COL5A2: variants seen among roughly 807,000 people sequenced by gnomAD.
COL5A2 encodes collagen alpha-2(V) chain.
COL5A2 carries 23 observed loss-of-function variants against 208.2 expected under a neutral mutation model. The ratio of observed to expected loss-of-function variants is 0.11; its 90% CI spans 0.08 to 0.16. COL5A2 has a LOEUF of 0.16. Among genes scored for constraint, COL5A2 ranks in the 10% least tolerant of loss-of-function variants. The pLI is 1.00. For missense variants in COL5A2, 1,590 were observed against 1,956.4 expected (o/e 0.81, Z 3.53); for synonymous variants, 625 against 628.5 (o/e 0.99, Z 0.08).
At chr2:189,149,506 T>C (rs192016554) in intron 1 of COL5A2, among the ~76,000 whole-genome samples, 1 of 152,308 alleles carries the variant, frequency 6.6e-6, no homozygotes, top group Non-Finnish European at 1.5e-5. Flanking sequence ...AATAGTCACA[T>C]GGAATGCAAT....
At chr2:189,123,451 T>G (rs1048376552) in intron 1 of COL5A2, among the ~76,000 whole-genome samples, 1 of 152,146 alleles carries the variant, frequency 6.6e-6, no homozygotes, top group Non-Finnish European at 1.5e-5. Context: ...GATGAGGTCA[T>G]ACTGGAATAT....
At position 189,051,476 on chromosome 2, in the gene COL5A2, A is replaced by G; in HGVS notation, c.2775T>C (p.Ala925=). Residue 925 remains alanine (A), a synonymous_variant, in exon 42 of 54, where the codon GCT becomes GCC. Coordinates refer to ENST00000374866, the MANE Select transcript of COL5A2 (RefSeq NM_000393.5). ...GRVGPPGPAG[A]PGPAGPLGEP... ...CCCCTAGGGGTCCCGCAGGTCCTGG[A>G]GCTCCCTAGTATAACAAAGAAAGAA... 1 of 1,607,862 alleles carries G rather than the reference A, an allele frequency of 6.2e-7. No homozygotes were observed. The highest frequency in any genetic ancestry group is 8.5e-7 in the Non-Finnish European group (1 of 1,177,542).
chr2:189,044,423 TAAAAC>T (rs1011393732), intron 47 of COL5A2, among the ~76,000 whole-genome samples: 2 of 152,104 alleles, frequency 1.3e-5, no homozygotes, highest in Non-Finnish European at 2.9e-5. Flanking sequence ...GTTTCATAAT[TAAAAC>T]TAAACTAAAT....
rs938987940 is a variant in COL5A2, at chr2:189,058,677, T to C, written c.2131-150A>G. On this transcript the variant is annotated intron_variant, in intron 32 of 53. Transcript: ENST00000374866. The stretch of plus-strand genomic sequence containing the variant: ...CTAATTTAGTGATAAGAAATAAATT[T>C]GAAGTAAGGATATGCTAGTTTCATA... 44 of 940,258 alleles carry C rather than the reference T, an allele frequency of 4.7e-5. No homozygotes were observed. The African/African-American group carries it at 6.9e-4, about 15-fold the overall frequency. The allele number at this position is 940,258 out of a possible 1,614,324, so 58.2% of individuals were successfully genotyped here.
chr2:189,095,843 A>G (rs111928156), intron 6 of COL5A2: 1 of 151,964 alleles, frequency 6.6e-6, no homozygotes, highest in African/African-American at 2.4e-5. Flanking sequence ...TAGATCTAGG[A>G]GAGACATCTG....
chr2:189,277,351 TA>T, the COL5A2 span, among the ~76,000 whole-genome samples: 1 of 152,198 alleles, frequency 6.6e-6, no homozygotes, highest in East Asian at 1.9e-4. Context: ...ATCAGAAAAT[TA>T]AGGTAAATCA....
At chr2:189,376,046 A>C in the COL5A2 span, among the ~76,000 whole-genome samples, 1 of 152,214 alleles carries the variant, frequency 6.6e-6, no homozygotes, top group Non-Finnish European at 1.5e-5. Context: ...AATGTGTGTA[A>C]GCAAACACTG....
the COL5A2 span, among the ~76,000 whole-genome samples, chr2:189,236,582 G>T: frequency 1.0e-3 from 159 of 151,674 alleles, no homozygotes; most frequent in Non-Finnish European, 1.7e-3. Flanking sequence ...ATCACATTTT[G>T]GTTTTAATTT....
the COL5A2 span, among the ~76,000 whole-genome samples, chr2:189,252,114 A>AGT: frequency 1.3e-5 from 2 of 152,246 alleles, no homozygotes; most frequent in Non-Finnish European, 2.9e-5. Context: ...AGGAAACAAC[A>AGT]GGTGCTGGAG....
the COL5A2 span, among the ~76,000 whole-genome samples, chr2:189,294,141 A>G: frequency 1.3e-5 from 2 of 151,550 alleles, no homozygotes; most frequent in African/African-American, 4.8e-5. Context: ...CTATTAAAGC[A>G]GCCTGAACGG....
intron 1 of COL5A2, among the ~76,000 whole-genome samples, chr2:189,146,184 A>G (rs1044196198): frequency 1.1e-4 from 16 of 152,154 alleles, no homozygotes; most frequent in Admixed American, 5.2e-4. Context: ...GTACTGCAAA[A>G]GAAAAGAAAA....
the COL5A2 span, among the ~76,000 whole-genome samples, chr2:189,283,073 A>G: frequency 6.6e-6 from 1 of 152,168 alleles, no homozygotes; most frequent in African/African-American, 2.4e-5. Context: ...TGGCAACAAA[A>G]TAGGTAAGTA....
the COL5A2 span, among the ~76,000 whole-genome samples, chr2:189,414,239 A>G: frequency 1.9e-4 from 29 of 152,338 alleles, no homozygotes; most frequent in East Asian, 5.4e-3. Context: ...GGAAATTTAC[A>G]TACAACCCTC....
At chr2:189,175,727 A>G (rs1688665467) in intron 1 of COL5A2, among the ~76,000 whole-genome samples, 2 of 151,786 alleles carry the variant, frequency 1.3e-5, no homozygotes, top group African/African-American at 4.8e-5. Flanking sequence ...TAATTTTTGT[A>G]TTTTGGGTAG....
At chr2:189,300,524 C>T in the COL5A2 span, among the ~76,000 whole-genome samples, 3 of 152,296 alleles carry the variant, frequency 2.0e-5, no homozygotes, top group Non-Finnish European at 2.9e-5. Flanking sequence ...AAAACTGTAT[C>T]CCCATTCTTC....
intron 1 of COL5A2, among the ~76,000 whole-genome samples, chr2:189,137,096 CTTCG>C (rs1205398524): frequency 2.0e-5 from 3 of 152,104 alleles, no homozygotes; most frequent in African/African-American, 4.8e-5. Flanking sequence ...CAAATGTTTT[CTTCG>C]TTCGTGTTTA....
chr2:189,173,146 G>C (rs1201546213), intron 1 of COL5A2, among the ~76,000 whole-genome samples: 1 of 151,432 alleles, frequency 6.6e-6, no homozygotes, highest in East Asian at 1.9e-4. Flanking sequence ...AAATTTTTTT[G>C]TATTTTTAGT....
chr2:189,323,157 G>A, the COL5A2 span, among the ~76,000 whole-genome samples: 673 of 152,266 alleles, frequency 4.4e-3, 5 homozygotes, highest in African/African-American at 0.015. Flanking sequence ...ATTAGGTACT[G>A]ATGGGACGTA....
the COL5A2 span, among the ~76,000 whole-genome samples, chr2:189,359,742 T>C: frequency 6.6e-6 from 1 of 152,142 alleles, no homozygotes; most frequent in Non-Finnish European, 1.5e-5. Context: ...TTTAATCATG[T>C]TATACATTAT....
Sources: allele counts gnomAD v4.1 joint callset (sites outside exome capture counted in the v4.1 genomes callset), GRCh38; gene constraint gnomAD v4.1.1; transcripts MANE v1.5; gene names NCBI Gene and HGNC (gene_info 2026-07-23, HGNC 2026-07-21).